Variants in FAAH2 observed in about 807,000 individuals in gnomAD.
FAAH2 encodes the protein fatty acid amide hydrolase 2.
In FAAH2, 60 loss-of-function variants were observed where a neutral mutation model predicts 36.9. The observed-to-expected ratio is 1.63, with a 90% CI of 1.32 to 2.02. The LOEUF is 2.02. Among genes scored for constraint, FAAH2 ranks in the 30% most tolerant of loss-of-function variants. The pLI is 0.00. For synonymous variants in FAAH2, 214 were observed against 143.8 expected, an observed-to-expected ratio of 1.49 and a Z score of -3.49; for missense variants, 689 against 397.5, an observed-to-expected ratio of 1.73 and a Z score of -6.23.
the FAAH2 span, among the ~76,000 whole-genome samples, chrX:57,177,024 T>A: frequency 9.1e-6 from 1 of 110,320 alleles, no homozygotes. Context: ...AAAAAAAAAA[T>A]CCCCAGTATT....
chrX:57,233,407 T>C, the FAAH2 span, among the ~76,000 whole-genome samples: 1 of 111,925 alleles, frequency 8.9e-6, no homozygotes, highest in Non-Finnish European at 1.9e-5. Flanking sequence ...AAACTGAATT[T>C]ATAGCTTTAC....
rs148920400 is a variant in FAAH2 at position 57,416,250 on chromosome X, C to A, written c.997-15668C>A. Among the ~76,000 whole-genome samples, 472 of 111,177 alleles carry A rather than the reference C, an allele frequency of 4.2e-3. 3 individuals are homozygous for A. Among genetic ancestry groups the A allele is most frequent in the African/African-American group, 0.015 (452 of 30,663 alleles). ...CATTTAAGGTTAATATTGTTATGTG[C>A]GAATTTGATCCTGTCATTATGAAGC... On this transcript the variant is annotated intron_variant, in intron 7 of 10. Transcript: ENST00000374900.
chrX:57,462,917 C>A (rs78755144), intron 10 of FAAH2, among the ~76,000 whole-genome samples: 2 of 112,103 alleles, frequency 1.8e-5, no homozygotes, highest in African/African-American at 6.5e-5. Context: ...ACCCCATCAT[C>A]TCAGCCCCAA....
the FAAH2 span, among the ~76,000 whole-genome samples, chrX:57,248,637 C>T: frequency 1.9e-5 from 2 of 106,305 alleles, no homozygotes; most frequent in Non-Finnish European, 3.9e-5. Flanking sequence ...CCTGTAATCC[C>T]AGATACTGGG....
the FAAH2 span, among the ~76,000 whole-genome samples, chrX:57,264,230 A>C: frequency 1.8e-5 from 2 of 112,392 alleles, no homozygotes; most frequent in African/African-American, 6.4e-5. Flanking sequence ...CCAGACCAAC[A>C]TGAAAAACTT....
chrX:57,375,195 T>C (rs1384139240), intron 5 of FAAH2, among the ~76,000 whole-genome samples: 1 of 109,656 alleles, frequency 9.1e-6, no homozygotes, highest in Admixed American at 9.9e-5. Context: ...TTGTTGATGT[T>C]ATGTCCTTTC....
the FAAH2 span, among the ~76,000 whole-genome samples, chrX:57,157,814 T>C: frequency 9.1e-6 from 1 of 110,288 alleles, no homozygotes; most frequent in Non-Finnish European, 1.9e-5. Context: ...TTAATTTTTA[T>C]TTTTTATTTT....
intron 5 of FAAH2, among the ~76,000 whole-genome samples, chrX:57,343,480 T>C (rs771945921): frequency 8.9e-6 from 1 of 111,814 alleles, no homozygotes; most frequent in Non-Finnish European, 1.9e-5. Context: ...ACTTTTTGCT[T>C]GTTGATTTCT....
chrX:57,342,747 G>A (rs750465582), intron 5 of FAAH2, among the ~76,000 whole-genome samples: 1 of 110,791 alleles, frequency 9.0e-6, no homozygotes, highest in African/African-American at 3.3e-5. Context: ...GTCCCTGATA[G>A]GTAGTTTTTT....
At chrX:57,170,219 T>TTTGTTG in the FAAH2 span, among the ~76,000 whole-genome samples, 1 of 111,575 alleles carries the variant, frequency 9.0e-6, no homozygotes, top group African/African-American at 3.3e-5. Flanking sequence ...TCACAGAGTA[T>TTTGTTG]TTGTTGTTGT....
the FAAH2 span, among the ~76,000 whole-genome samples, chrX:57,182,013 A>G: frequency 2.7e-5 from 3 of 112,220 alleles, no homozygotes; most frequent in Non-Finnish European, 3.8e-5. Context: ...ATGCTGGGAT[A>G]ACTGGCTATC....
At chrX:57,439,038 T>C (rs2056483393) in intron 8 of FAAH2, among the ~76,000 whole-genome samples, 1 of 111,111 alleles carries the variant, frequency 9.0e-6, no homozygotes, top group Non-Finnish European at 1.9e-5. Flanking sequence ...TCTTCGCTAT[T>C]GCAGATAGTG....
intron 2 of FAAH2, among the ~76,000 whole-genome samples, chrX:57,303,687 A>G (rs1311840769): frequency 8.9e-6 from 1 of 112,002 alleles, no homozygotes; most frequent in African/African-American, 3.2e-5. Flanking sequence ...CCACTCTGCT[A>G]CACTGCTTTT....
intron 3 of FAAH2, among the ~76,000 whole-genome samples, chrX:57,315,885 A>G (rs1386402190): frequency 9.0e-6 from 1 of 111,075 alleles, no homozygotes; most frequent in East Asian, 2.8e-4. Context: ...CTCCTATTTG[A>G]CATAGTACTG....
At chrX:57,427,447 G>A (rs2056189886) in intron 7 of FAAH2, among the ~76,000 whole-genome samples, 1 of 110,837 alleles carries the variant, frequency 9.0e-6, no homozygotes, top group South Asian at 3.8e-4. Flanking sequence ...TATGAAAATA[G>A]AAGAGAAAAG....
intron 10 of FAAH2, among the ~76,000 whole-genome samples, chrX:57,454,691 T>G (rs746198205): frequency 9.0e-6 from 1 of 111,592 alleles, no homozygotes; most frequent in African/African-American, 3.2e-5. Flanking sequence ...AAAATTAAGA[T>G]GAAGAAAGAA....
At chrX:57,318,237 T>C (rs2052903237) in intron 3 of FAAH2, among the ~76,000 whole-genome samples, 1 of 111,388 alleles carries the variant, frequency 9.0e-6, no homozygotes, top group African/African-American at 3.3e-5. Flanking sequence ...AGCTGGTTTT[T>C]TGAAAAGATT....
At chrX:57,378,106 TG>T (rs1327646805) in intron 5 of FAAH2, among the ~76,000 whole-genome samples, 1 of 112,014 alleles carries the variant, frequency 8.9e-6, no homozygotes. Context: ...GTTATCCATC[TG>T]GCATATTAAT....
chrX:57,233,403 A>C, the FAAH2 span, among the ~76,000 whole-genome samples: 5 of 111,902 alleles, frequency 4.5e-5, no homozygotes, highest in African/African-American at 1.6e-4. Context: ...TGAAAAACTG[A>C]ATTTATAGCT....
Sources: allele counts gnomAD v4.1 joint callset (sites outside exome capture counted in the v4.1 genomes callset), GRCh38; gene constraint gnomAD v4.1.1; transcripts MANE v1.5; gene names NCBI Gene and HGNC (gene_info 2026-07-23, HGNC 2026-07-21).